GLI2: variants seen among roughly 807,000 people sequenced by gnomAD.
GLI2 encodes the protein transcription activator GLI2.
GLI2 carries 22 observed loss-of-function variants against 78.9 expected under a neutral mutation model. The observed-to-expected ratio is 0.28, with a 90% confidence interval of 0.20 to 0.40. The LOEUF (loss-of-function observed/expected upper bound fraction) is 0.40. GLI2 is among the 10% of genes least tolerant of loss of function. GLI2 has a pLI of 1.00. For missense variants in GLI2, 2,097 were observed against 2,213.2 expected, an observed-to-expected ratio of 0.95 and a Z score of 1.05; for synonymous variants, 974 against 963.7, an observed-to-expected ratio of 1.01 and a Z score of -0.20.
chr2:120,791,961 G>A (rs183191701), intron 1 of GLI2, among the ~76,000 whole-genome samples: 2 of 152,140 alleles, frequency 1.3e-5, no homozygotes, highest in African/African-American at 4.8e-5. Context: ...GTGCCTATGC[G>A]TGTGGGTCCT....
intron 1 of GLI2, among the ~76,000 whole-genome samples, chr2:120,741,847 C>T (rs917156686): frequency 2.0e-5 from 3 of 152,174 alleles, no homozygotes; most frequent in Non-Finnish European, 4.4e-5. Flanking sequence ...ACACCGGCCG[C>T]CGCCGGCGAG....
Position 120,818,357 on chromosome 2 carries a change from G to A in GLI2, c.148+20889G>A, listed in dbSNP as rs146800060. Among the ~76,000 whole-genome samples, 6 of 152,356 alleles carry A rather than the reference G, an allele frequency of 3.9e-5. No individual in the cohort carries two copies. The East Asian group carries it at 5.8e-4, about 15-fold the overall frequency. On this transcript the variant is annotated intron_variant, in intron 2 of 13. Coordinates refer to ENST00000361492, the MANE Select transcript of GLI2 (RefSeq NM_001374353.1). ...TGCTTCTCTAATCAGCCCCTGGGAA[G>A]GAGTGTGGACGTGCCAGTGGCCTGA...
intron 2 of GLI2, among the ~76,000 whole-genome samples, chr2:120,852,187 A>C (rs1687436966): frequency 6.6e-6 from 1 of 151,988 alleles, no homozygotes; most frequent in Non-Finnish European, 1.5e-5. Flanking sequence ...GGTGAACCTG[A>C]GCTTGGAGTC....
chr2:120,916,727 A>G (rs941250593), intron 2 of GLI2, among the ~76,000 whole-genome samples: 1 of 152,190 alleles, frequency 6.6e-6, no homozygotes, highest in African/African-American at 2.4e-5. Flanking sequence ...TGTGACTTCC[A>G]ACTGTGGATG....
At position 120,990,261 on chromosome 2, in the gene GLI2, C is replaced by T. The variant is rs772765181; in HGVS notation, c.4296C>T (p.Gly1432=). 3 of 1,613,744 alleles carry T rather than the reference C, an allele frequency of 1.9e-6. No homozygotes were observed. Among genetic ancestry groups the T allele is most frequent in the South Asian group, 2.2e-5 (2 of 91,084 alleles). The change falls in exon 14 of 14, where the codon GGC becomes GGT. Residue 1432 remains glycine, a synonymous_variant. Coordinates refer to ENST00000361492, the MANE Select transcript of GLI2 (RefSeq NM_001374353.1). ...ACCACAGCATGCTCTACTACTACGG[C>T]CAGATCCACATGTACGAACAGGATG... ...APDHSMLYYY[G]QIHMYEQDGG... is the part of the protein sequence containing the mutation.
chr2:120,765,286 G>T (rs1393414167), intron 1 of GLI2, among the ~76,000 whole-genome samples: 2 of 152,210 alleles, frequency 1.3e-5, no homozygotes, highest in African/African-American at 2.4e-5. Context: ...CAGACGGGCC[G>T]CCTGTCCTTT....
chr2:120,880,949 A>C (rs1321130262), intron 2 of GLI2, among the ~76,000 whole-genome samples: 1 of 152,088 alleles, frequency 6.6e-6, no homozygotes, highest in Non-Finnish European at 1.5e-5. Flanking sequence ...CAAAATGTGA[A>C]ATTTGTCTTT....
intron 2 of GLI2, among the ~76,000 whole-genome samples, chr2:120,918,855 A>ACTCAGGTTCACC (rs1302559823): frequency 6.6e-6 from 1 of 152,172 alleles, no homozygotes; most frequent in Non-Finnish European, 1.5e-5. Flanking sequence ...CGTGGTTCAC[A>ACTCAGGTTCACC]CTCAGGTCTG....
rs761198680 is a variant in GLI2 at position 120,989,431 on chromosome 2, G to A, written c.3466G>A (p.Val1156Met). 6.2e-7 allele frequency: 1 copy of A among 1,613,082 alleles called. No homozygotes were observed. The change falls in exon 14 of 14, where the codon GTG becomes ATG. Residue 1156 changes from valine to methionine, a missense_variant. Physicochemically the swap from Val to Met is conservative, Grantham distance 21. This residue lies in a region of GLI2 where 1,290 missense variants were observed against 1,261.7 expected (regional missense o/e 1.02). Coordinates refer to ENST00000361492, the MANE Select transcript of GLI2 (RefSeq NM_001374353.1). ...PPPFPQGNLA[V>M]VQQKPAFGQY... ...ACCCTTTCCTCAGGGCAACCTGGCG[G>A]TGGTGCAGCAGAAGCCTGCCTTTGG...
At chr2:120,912,528 T>C (rs991841738) in intron 2 of GLI2, among the ~76,000 whole-genome samples, 1 of 152,098 alleles carries the variant, frequency 6.6e-6, no homozygotes, top group African/African-American at 2.4e-5. Context: ...ACTGTTTCCA[T>C]GCGCCACAGT....
intron 4 of GLI2, among the ~76,000 whole-genome samples, chr2:120,953,359 G>GAA (rs1681086081): frequency 6.6e-6 from 1 of 152,216 alleles, no homozygotes. Context: ...GAAGAGGCGG[G>GAA]AAACCATCTT....
At chr2:120,756,720 G>A (rs947091258) in intron 1 of GLI2, among the ~76,000 whole-genome samples, 2 of 152,178 alleles carry the variant, frequency 1.3e-5, no homozygotes, top group Non-Finnish European at 2.9e-5. Flanking sequence ...CATGGTATCA[G>A]ATGACTTTCT....
intron 2 of GLI2, among the ~76,000 whole-genome samples, chr2:120,842,865 A>T (rs1432687762): frequency 6.6e-6 from 1 of 152,226 alleles, no homozygotes; most frequent in East Asian, 1.9e-4. Flanking sequence ...CTGCCTGTGA[A>T]TTCAAATAAT....
At chr2:120,841,185 T>A (rs959069796) in intron 2 of GLI2, among the ~76,000 whole-genome samples, 4 of 152,190 alleles carry the variant, frequency 2.6e-5, no homozygotes, top group African/African-American at 9.7e-5. Flanking sequence ...GTAATTATTA[T>A]CCACTCCCTG....
chr2:120,787,121 C>G (rs1344465221), intron 1 of GLI2, among the ~76,000 whole-genome samples: 1 of 152,170 alleles, frequency 6.6e-6, no homozygotes, highest in East Asian at 1.9e-4. Flanking sequence ...CCTGCCTGGC[C>G]TGGCAGGGGG....
intron 2 of GLI2, among the ~76,000 whole-genome samples, chr2:120,804,523 G>C (rs1012978057): frequency 3.9e-5 from 6 of 152,230 alleles, no homozygotes; most frequent in Non-Finnish European, 7.3e-5. Context: ...GGAGCTGAGT[G>C]GGCCACCTTC....
chr2:120,820,739 GT>G (rs1305609110), intron 2 of GLI2, among the ~76,000 whole-genome samples: 1 of 152,150 alleles, frequency 6.6e-6, no homozygotes, highest in African/African-American at 2.4e-5. Context: ...GCTGGAGAGG[GT>G]AGCTTTTTTT....
At chr2:120,876,904 G>C (rs556158237) in intron 2 of GLI2, among the ~76,000 whole-genome samples, 1 of 152,334 alleles carries the variant, frequency 6.6e-6, no homozygotes, top group Non-Finnish European at 1.5e-5. Flanking sequence ...CTTAACTGTA[G>C]GTTCCTTGTT....
chr2:120,906,730 C>G (rs1678552802), intron 2 of GLI2, among the ~76,000 whole-genome samples: 1 of 152,114 alleles, frequency 6.6e-6, no homozygotes, highest in African/African-American at 2.4e-5. Flanking sequence ...TCAAAACAGG[C>G]CTTCTCCCCT....
Sources: allele counts gnomAD v4.1 joint callset (sites outside exome capture counted in the v4.1 genomes callset), GRCh38; gene constraint gnomAD v4.1.1; regional missense constraint gnomAD v4.1.1; transcripts MANE v1.5; gene names NCBI Gene and HGNC (gene_info 2026-07-23, HGNC 2026-07-21).